Variants in LRFN2 observed in about 807,000 individuals in gnomAD.
The protein encoded by LRFN2 is leucine-rich repeat and fibronectin type-III domain-containing protein 2.
In LRFN2, 18 loss-of-function variants were observed where a neutral mutation model predicts 37.3. The ratio of observed to expected loss-of-function variants is 0.48; its 90% CI spans 0.33 to 0.72. The LOEUF (loss-of-function observed/expected upper bound fraction) is 0.72. LRFN2 is among the 30% of genes least tolerant of loss of function. LRFN2 has a pLI of 0.02. For synonymous variants in LRFN2, 556 were observed against 466.6 expected, an observed-to-expected ratio of 1.19 and a Z score of -2.47; for missense variants, 1,006 against 1,060.7, an observed-to-expected ratio of 0.95 and a Z score of 0.72.
intron 1 of LRFN2, among the ~76,000 whole-genome samples, chr6:40,499,019 TAC>T (rs1765306247): frequency 6.6e-6 from 1 of 152,156 alleles, no homozygotes; most frequent in South Asian, 2.1e-4. Context: ...AAACCACTTA[TAC>T]ACACGATTTC....
intron 1 of LRFN2, among the ~76,000 whole-genome samples, chr6:40,565,306 T>C (rs1767068363): frequency 6.6e-6 from 1 of 152,156 alleles, no homozygotes. Flanking sequence ...ATGGCCATAC[T>C]GCCCAAGGTA....
At chr6:40,449,088 A>C (rs115919764) in intron 1 of LRFN2, among the ~76,000 whole-genome samples, 1,531 of 152,264 alleles carry the variant, frequency 0.01, 29 homozygotes, top group Non-Finnish European at 0.016. Flanking sequence ...CCTAGTAAGA[A>C]TCCCCAATTG....
At chr6:40,535,396 G>A (rs931710053) in intron 1 of LRFN2, among the ~76,000 whole-genome samples, 2 of 152,154 alleles carry the variant, frequency 1.3e-5, no homozygotes, top group Non-Finnish European at 2.9e-5. Context: ...CTGGAACCTA[G>A]GCTGTGACCA....
intron 1 of LRFN2, among the ~76,000 whole-genome samples, chr6:40,498,862 T>C (rs1228845799): frequency 6.6e-6 from 1 of 152,172 alleles, no homozygotes; most frequent in Non-Finnish European, 1.5e-5. Context: ...AACATTTAAA[T>C]AGTCCACAAA....
At chr6:40,567,419 A>G (rs1767109639) in intron 1 of LRFN2, among the ~76,000 whole-genome samples, 1 of 152,184 alleles carries the variant, frequency 6.6e-6, no homozygotes, top group Admixed American at 6.5e-5. Context: ...TAAAAGAAAG[A>G]GCAAAAATAA....
intron 1 of LRFN2, among the ~76,000 whole-genome samples, chr6:40,455,655 T>C (rs1389199166): frequency 6.6e-6 from 1 of 152,210 alleles, no homozygotes; most frequent in African/African-American, 2.4e-5. Flanking sequence ...GCAGCAGCAG[T>C]ATCACTATCA....
At chr6:40,498,019 G>A (rs1765276506) in intron 1 of LRFN2, among the ~76,000 whole-genome samples, 1 of 152,286 alleles carries the variant, frequency 6.6e-6, no homozygotes, top group African/African-American at 2.4e-5. Context: ...GGGTGCTGAG[G>A]GGAGCAAAGG....
chr6:40,524,261 T>C, intron 1 of LRFN2, among the ~76,000 whole-genome samples: 1 of 152,108 alleles, frequency 6.6e-6, no homozygotes, highest in Non-Finnish European at 1.5e-5. Context: ...TCAGAGTCAA[T>C]TCAGTTATCC....
chr6:40,543,248 T>C (rs1425475162), intron 1 of LRFN2, among the ~76,000 whole-genome samples: 1 of 152,214 alleles, frequency 6.6e-6, no homozygotes, highest in Non-Finnish European at 1.5e-5. Context: ...TGTCTCTTTC[T>C]CTCTCATTCT....
chr6:40,502,500 C>T (rs1341768062), intron 1 of LRFN2: 1 of 152,184 alleles, frequency 6.6e-6, no homozygotes. Context: ...TCAGCTCATC[C>T]CTCCCCTCCC....
chr6:40,403,164 T>C (rs1762776230), intron 2 of LRFN2, among the ~76,000 whole-genome samples: 1 of 152,208 alleles, frequency 6.6e-6, no homozygotes, highest in East Asian at 1.9e-4. Context: ...TGGGACAGAG[T>C]CCTCTGGAGC....
Position 40,391,925 on chromosome 6 carries a change from G to T in LRFN2, c.*18C>A. 6.6e-7 allele frequency: 1 copy of T among 1,525,534 alleles called. No homozygotes were observed. The highest frequency in any genetic ancestry group is 1.3e-5 in the South Asian group (1 of 77,408). 94.5% of individuals were successfully genotyped at this position (1,525,534 alleles called of 1,614,324 possible). A position where few individuals can be genotyped will look rare whatever the true frequency, so the allele number is the denominator to read the frequency against. On this transcript the variant is annotated 3_prime_UTR_variant, in exon 3 of 3. Coordinates refer to ENST00000338305, the MANE Select transcript of LRFN2 (RefSeq NM_020737.3). ...TCTCCCACCCTGCGCACAGGAAAGG[G>T]AGCATGCCCACCCCCACCTAGACCG... is the stretch of plus-strand genomic sequence containing the variant.
intron 1 of LRFN2, among the ~76,000 whole-genome samples, chr6:40,453,113 A>C (rs1396737320): frequency 1.3e-5 from 2 of 152,154 alleles, no homozygotes; most frequent in African/African-American, 4.8e-5. Flanking sequence ...CCTGATCACT[A>C]TTGCAGGTAG....
chr6:40,550,157 C>A (rs1019292041), intron 1 of LRFN2, among the ~76,000 whole-genome samples: 1 of 152,178 alleles, frequency 6.6e-6, no homozygotes, highest in Non-Finnish European at 1.5e-5. Context: ...AGTGGTAATG[C>A]CCTATCCTAA....
At chr6:40,445,709 A>G (rs1357930145) in intron 1 of LRFN2, among the ~76,000 whole-genome samples, 1 of 152,244 alleles carries the variant, frequency 6.6e-6, no homozygotes, top group East Asian at 1.9e-4. Context: ...CTTACTGGCA[A>G]GGTGGCTAGT....
At chr6:40,451,393 C>T (rs1764102044) in intron 1 of LRFN2, among the ~76,000 whole-genome samples, 1 of 152,164 alleles carries the variant, frequency 6.6e-6, no homozygotes, top group Admixed American at 6.5e-5. Context: ...TTCCTGCACA[C>T]CTGAGACCTG....
Position 40,391,748 on chromosome 6 carries a change from T to G in LRFN2, c.*195A>C, listed in dbSNP as rs942074787. 2.0e-6 allele frequency: 1 copy of G among 507,902 alleles called. No homozygotes were observed. Among genetic ancestry groups the G allele is most frequent in the African/African-American group, 2.0e-5 (1 of 49,828 alleles). The allele number at this position is 507,902 out of a possible 1,614,324, so 31.5% of individuals were successfully genotyped here. A position where few individuals can be genotyped will look rare whatever the true frequency, so the allele number is the denominator to read the frequency against. On this transcript the variant is annotated 3_prime_UTR_variant, in exon 3 of 3. Coordinates refer to ENST00000338305, the MANE Select transcript of LRFN2 (RefSeq NM_020737.3). ...GGCATTTGAGCGAGTCCACATTCCC[T>G]GAGCACACCCCGGCCGGGTGGTGGG...
At chr6:40,463,680 T>C (rs994962633) in intron 1 of LRFN2, among the ~76,000 whole-genome samples, 1 of 142,064 alleles carries the variant, frequency 7.0e-6, no homozygotes, top group Non-Finnish European at 1.5e-5. Context: ...ATTTTTTTTT[T>C]TTTTTTTTTT....
intron 1 of LRFN2, among the ~76,000 whole-genome samples, chr6:40,507,434 G>A (rs577075692): frequency 6.6e-6 from 1 of 152,298 alleles, no homozygotes; most frequent in East Asian, 1.9e-4. Flanking sequence ...ACAATGCCTT[G>A]CTGAGAGAGG....
Sources: gnomAD v4.1 joint callset for allele counts (sites outside exome capture counted in the v4.1 genomes callset) on GRCh38, gnomAD v4.1.1 for gene constraint, MANE v1.5 for transcripts, NCBI Gene and HGNC (gene_info 2026-07-23, HGNC 2026-07-21) for gene names.